Variants in FAM163B observed in about 807,000 individuals in gnomAD.
FAM163B encodes family with sequence similarity 163 member B.
In FAM163B, 4 loss-of-function variants were observed where a neutral mutation model predicts 7.6. That is an observed-to-expected ratio of 0.52 (90% confidence interval 0.26 to 1.20). The LOEUF (loss-of-function observed/expected upper bound fraction) is 1.20, where lower values mean the gene tolerates loss of function less well. Among genes scored for constraint, FAM163B ranks in the 50% most tolerant of loss-of-function variants. The pLI is 0.14. For synonymous variants in FAM163B, 120 were observed against 111.6 expected (o/e 1.07, Z -0.47); for missense variants, 250 against 243.0 (o/e 1.03, Z -0.19).
intron 1 of FAM163B, among the ~76,000 whole-genome samples, chr9:133,590,927 A>C (rs1159294887): frequency 6.6e-6 from 1 of 152,214 alleles, no homozygotes; most frequent in Non-Finnish European, 1.5e-5. Context: ...TTTGTGAAGG[A>C]AGCTTCTGGG....
chr9:133,580,103 T>C, intron 2 of FAM163B, 28 bp downstream of exon 2: 1 of 1,597,738 alleles, frequency 6.3e-7, no homozygotes, highest in Admixed American at 1.7e-5. Context: ...CTCCCTGCCC[T>C]GTCCCCTTCC....
At chr9:133,597,383 C>T (rs1011984860) in intron 1 of FAM163B, among the ~76,000 whole-genome samples, 10 of 151,966 alleles carry the variant, frequency 6.6e-5, no homozygotes, top group Non-Finnish European at 1.2e-4. Context: ...CTAGATATTA[C>T]AGAAGAAAAC....
At chr9:133,582,244 C>G (rs1305421678) in intron 1 of FAM163B, among the ~76,000 whole-genome samples, 2 of 152,230 alleles carry the variant, frequency 1.3e-5, no homozygotes, top group African/African-American at 4.8e-5. Flanking sequence ...GCCTACTGGT[C>G]CCAGCCTGTT....
intron 1 of FAM163B, among the ~76,000 whole-genome samples, chr9:133,592,139 G>C (rs900281425): frequency 6.6e-5 from 10 of 152,136 alleles, no homozygotes; most frequent in Non-Finnish European, 1.2e-4. Context: ...TGGGCCCTCA[G>C]CCTCACCTTG....
intron 1 of FAM163B, among the ~76,000 whole-genome samples, chr9:133,591,725 C>T (rs1170812090): frequency 1.3e-5 from 2 of 152,176 alleles, no homozygotes; most frequent in Non-Finnish European, 2.9e-5. Context: ...CTGGGAGAAC[C>T]ACTGTCCCGA....
At position 133,601,815 on chromosome 9, in the gene FAM163B, G is replaced by C. The variant is rs1009929080; in HGVS notation, c.-24+7262C>G. ...ATGGCGTCAGGGCGCGTCTCAGAAGGCTTGACTAAAGCTGGGACCTGGCAC... is the reference window on the plus strand; with the variant it reads ...ATGGCGTCAGGGCGCGTCTCAGAAGCCTTGACTAAAGCTGGGACCTGGCAC... On this transcript the variant is annotated intron_variant, in intron 1 of 2. Coordinates refer to ENST00000673969, the MANE Select transcript of FAM163B (RefSeq NM_001080515.3). This position sits in a 1 kb window ranked among gnomAD's most constrained non-coding sequence, Gnocchi z 4.1. Among the ~76,000 whole-genome samples the C allele has an allele frequency of 6.6e-6, 1 of 152,220 alleles. No individual in the cohort carries two copies. Among genetic ancestry groups the C allele is most frequent in the Non-Finnish European group, 1.5e-5 (1 of 68,038 alleles).
chr9:133,597,461 G>GA (rs1366761986), intron 1 of FAM163B, among the ~76,000 whole-genome samples: 4 of 151,898 alleles, frequency 2.6e-5, no homozygotes, highest in South Asian at 2.1e-4. Flanking sequence ...ATCAATAAAC[G>GA]AAAAAAACAA....
intron 1 of FAM163B, among the ~76,000 whole-genome samples, chr9:133,584,231 G>A (rs1831399280): frequency 6.6e-6 from 1 of 152,152 alleles, no homozygotes; most frequent in Non-Finnish European, 1.5e-5. Flanking sequence ...CCCTCCCTGA[G>A]TGCTTACCTT....
chr9:133,597,756 C>CA lies in FAM163B; in HGVS notation c.-24+11320dup, dbSNP rs1831652721. 2.6e-5 allele frequency among the ~76,000 whole-genome samples: 4 copies of CA among 152,152 alleles called. No homozygotes were observed. In the South Asian group the frequency reaches 8.3e-4, roughly 32 times the overall value. On this transcript the variant is annotated intron_variant, in intron 1 of 2. Transcript: ENST00000673969. ...ACAGAGCCAAGGGCTGCATGACCTA[C>CA]AAGGGCTCGAAGGTAAGAATGACAG...
In FAM163B at chr9:133,577,450, T is replaced by C. The variant is rs920900734; in HGVS notation, c.*1572A>G. Among the ~76,000 whole-genome samples the C allele has an allele frequency of 9.9e-5, 15 of 152,212 alleles. No individual in the cohort carries two copies. Among genetic ancestry groups the C allele is most frequent in the Admixed American group, 9.8e-4 (15 of 15,292 alleles). On this transcript the variant is annotated 3_prime_UTR_variant, in exon 3 of 3. Coordinates refer to ENST00000673969, the MANE Select transcript of FAM163B (RefSeq NM_001080515.3). ...AGAGAAAGTAAGAGGAGGAAAACAA[T>C]TGAGAACATAACGATTGTGACTTCG...
rs1831727201 is a variant in FAM163B at position 133,601,365 on chromosome 9, T to C, written c.-24+7712A>G. On this transcript the variant is annotated intron_variant, in intron 1 of 2. Coordinates refer to ENST00000673969, the MANE Select transcript of FAM163B (RefSeq NM_001080515.3). The surrounding 1 kb of genome is among the most constrained non-coding windows in gnomAD (Gnocchi z 4.1). The stretch of plus-strand genomic sequence containing the variant: ...ACATTAATTCTCCTTTTTAAATAGA[T>C]TGGGCTCAGCCATTTTTAAACGAGT... 6.6e-6 allele frequency among the ~76,000 whole-genome samples: 1 copy of C among 152,242 alleles called. No homozygotes were observed. Among genetic ancestry groups the C allele is most frequent in the African/African-American group, 2.4e-5 (1 of 41,464 alleles).
chr9:133,580,601 T>C (rs1420288780), intron 1 of FAM163B, among the ~76,000 whole-genome samples: 1 of 152,256 alleles, frequency 6.6e-6, no homozygotes, highest in Non-Finnish European at 1.5e-5. Flanking sequence ...TGCACGTTTT[T>C]AAATTTACCC....
intron 1 of FAM163B, among the ~76,000 whole-genome samples, chr9:133,594,843 C>T (rs894223684): frequency 6.6e-6 from 1 of 152,070 alleles, no homozygotes; most frequent in African/African-American, 2.4e-5. Context: ...GCACCCTGGG[C>T]AGGAAATGGC....
intron 1 of FAM163B, among the ~76,000 whole-genome samples, chr9:133,607,121 T>G (rs770544990): frequency 4.6e-5 from 7 of 152,180 alleles, no homozygotes; most frequent in Non-Finnish European, 1.0e-4. Flanking sequence ...AGGGAGGAAC[T>G]GCACTCCTCC....
At chr9:133,597,376 G>C (rs1074052) in intron 1 of FAM163B, among the ~76,000 whole-genome samples, 99,574 of 152,018 alleles carry the variant, frequency 0.66, 33,955 homozygotes, top group African/African-American at 0.85. Flanking sequence ...CCTCAGACTA[G>C]ATATTACAGA....
intron 1 of FAM163B, among the ~76,000 whole-genome samples, chr9:133,607,405 C>T (rs1831803161): frequency 6.6e-6 from 1 of 152,214 alleles, no homozygotes; most frequent in Non-Finnish European, 1.5e-5. Flanking sequence ...GTAGGAGGAG[C>T]TCTGTGGGGC....
rs200727742 is a variant in FAM163B, at chr9:133,579,054, C to T, written c.469G>A (p.Ala157Thr). Residue 157 changes from alanine to threonine, a missense_variant, in exon 3 of 3, where the codon GCC becomes ACC. Ala to Thr is a moderately conservative substitution (Grantham distance 58). Coordinates refer to ENST00000673969, the MANE Select transcript of FAM163B (RefSeq NM_001080515.3). ...TCGGTGCTGATGCTGCGGCTCCTGG[C>T]GAAGGCCTCCCGCATGGCTGAGAGG... ...NRLSAMREAF[A>T]RSRSISTDV is the part of the protein sequence containing the mutation. The T allele has an allele frequency of 2.9e-3, 4,577 of 1,573,494 alleles. 14 individuals are homozygous for T. Among genetic ancestry groups the T allele is most frequent in the Non-Finnish European group, 3.5e-3 (4,102 of 1,162,516 alleles).
In FAM163B at chr9:133,606,025, C is replaced by T. The variant is rs1054261016; in HGVS notation, c.-24+3052G>A. ...CCCAGAGCCTGGTTCCTGTGGACTG[C>T]GGCGGAAAGCCCAACCACTGAGCAG... is the stretch of plus-strand genomic sequence containing the variant. On this transcript the variant is annotated intron_variant, in intron 1 of 2. Transcript: ENST00000673969. This position sits in a 1 kb window ranked among gnomAD's most constrained non-coding sequence, Gnocchi z 4.0. 7.9e-5 allele frequency among the ~76,000 whole-genome samples: 12 copies of T among 152,190 alleles called. No homozygotes were observed. The highest frequency in any genetic ancestry group is 7.3e-5 in the Non-Finnish European group (5 of 68,032).
intron 1 of FAM163B, among the ~76,000 whole-genome samples, chr9:133,608,283 C>T (rs1831813424): frequency 3.3e-5 from 5 of 152,240 alleles, no homozygotes; most frequent in Non-Finnish European, 1.5e-5. Flanking sequence ...CTACGGGACA[C>T]ACACTGGCAG....
Sources: gnomAD v4.1 joint callset for allele counts (sites outside exome capture counted in the v4.1 genomes callset) on GRCh38, gnomAD v4.1.1 for gene constraint, Gnocchi (gnomAD v3.1) non-coding constraint, MANE v1.5 for transcripts, NCBI Gene and HGNC (gene_info 2026-07-23, HGNC 2026-07-21) for gene names.